Variants in KCNN2 observed in about 807,000 individuals in gnomAD.
KCNN2 encodes the protein small conductance calcium-activated potassium channel protein 2.
KCNN2 carries 24 observed loss-of-function variants against 55.5 expected under a neutral mutation model. The observed-to-expected ratio is 0.43, with a 90% CI of 0.31 to 0.61. The LOEUF (loss-of-function observed/expected upper bound fraction) is 0.61, where lower values mean the gene tolerates loss of function less well. Ranked by LOEUF, KCNN2 falls within the 20% of genes least tolerant of loss-of-function variation. The probability of loss-of-function intolerance (pLI) is 0.08; values close to 1 mark genes in which losing one functional copy is unlikely to be tolerated. For synonymous variants in KCNN2, 431 were observed against 336.1 expected (o/e 1.28, Z -3.09); for missense variants, 754 against 853.6 (o/e 0.88, Z 1.45).
intron 5 of KCNN2, 47 bp from the exon 6 acceptor site, chr5:114,487,003 G>C (rs746390329): frequency 6.8e-6 from 11 of 1,607,766 alleles, no homozygotes; most frequent in Non-Finnish European, 9.4e-6. Flanking sequence ...AGTTACAAAG[G>C]ATTCTGCTCT....
At chr5:114,406,152 C>T (rs967462677) in intron 3 of KCNN2, among the ~76,000 whole-genome samples, 1 of 150,202 alleles carries the variant, frequency 6.7e-6, no homozygotes, top group Admixed American at 6.6e-5. Flanking sequence ...CAGCCCATTC[C>T]AGCTTTCCAG....
At chr5:114,073,998 C>G (rs1230940561) in intron 1 of KCNN2, among the ~76,000 whole-genome samples, 1 of 152,170 alleles carries the variant, frequency 6.6e-6, no homozygotes, top group Non-Finnish European at 1.5e-5. Flanking sequence ...CTTCAAGTTT[C>G]TCAAGATGGA....
Position 114,496,014 on chromosome 5 carries a change from C to G in KCNN2, c.2208C>G (p.Leu736=), listed in dbSNP as rs1748099733. The change falls in exon 8 of 8, where the codon CTC becomes CTG. Residue 736 remains leucine, a synonymous_variant. Coordinates refer to ENST00000673685, the MANE Select transcript of KCNN2 (RefSeq NM_021614.4). ...LETLIGSIHA[L]PGLISQTIRQ... ...CTTTGATTGGTAGCATCCACGCCCT[C>G]CCTGGGCTCATAAGCCAGACCATCA... 6.2e-7 allele frequency: 1 copy of G among 1,614,084 alleles called. No homozygotes were observed. The highest frequency in any genetic ancestry group is 1.3e-5 in the African/African-American group (1 of 75,036).
At chr5:114,155,648 G>T (rs1205510426) in intron 1 of KCNN2, among the ~76,000 whole-genome samples, 1 of 152,088 alleles carries the variant, frequency 6.6e-6, no homozygotes, top group African/African-American at 2.4e-5. Flanking sequence ...CCAATGTTGA[G>T]CTTTTATTAT....
At chr5:114,100,667 C>A (rs1751355814) in intron 1 of KCNN2, among the ~76,000 whole-genome samples, 1 of 152,026 alleles carries the variant, frequency 6.6e-6, no homozygotes, top group South Asian at 2.1e-4. Context: ...ACAAGGAGAT[C>A]CCTGGAGCCC....
At chr5:114,480,949 G>C (rs935371202) in intron 5 of KCNN2, among the ~76,000 whole-genome samples, 11 of 152,144 alleles carry the variant, frequency 7.2e-5, no homozygotes, top group African/African-American at 2.7e-4. Context: ...TTGAAAACCA[G>C]CACAAGATAA....
intron 2 of KCNN2, among the ~76,000 whole-genome samples, chr5:114,289,842 C>T (rs1367620483): frequency 1.3e-5 from 2 of 152,176 alleles, no homozygotes; most frequent in Admixed American, 6.5e-5. Context: ...TTTCCTTCAG[C>T]AATGTCCTAC....
chr5:114,407,474 G>C (rs758353010), intron 3 of KCNN2, among the ~76,000 whole-genome samples: 2 of 151,536 alleles, frequency 1.3e-5, no homozygotes, highest in Non-Finnish European at 2.9e-5. Context: ...CTTTTCTCTG[G>C]AGATGTTAAT....
At chr5:114,333,983 T>C (rs1342632943) in intron 2 of KCNN2, among the ~76,000 whole-genome samples, 1 of 152,210 alleles carries the variant, frequency 6.6e-6, no homozygotes, top group Non-Finnish European at 1.5e-5. Context: ...CTAATTGATA[T>C]CACTCTTCCT....
chr5:114,110,037 C>G (rs1415203220), intron 1 of KCNN2, among the ~76,000 whole-genome samples: 1 of 152,096 alleles, frequency 6.6e-6, no homozygotes, highest in African/African-American at 2.4e-5. Context: ...GCTTTTGTCT[C>G]TTGCCCTTCC....
intron 2 of KCNN2, among the ~76,000 whole-genome samples, chr5:114,252,240 GC>G (rs147501868): frequency 0.086 from 13,122 of 151,876 alleles, 809 homozygotes; most frequent in Non-Finnish European, 0.12. Context: ...ATATCTTTCT[GC>G]CCTATGTACT....
chr5:114,238,078 C>T (rs1177460571), intron 2 of KCNN2, among the ~76,000 whole-genome samples: 1 of 152,194 alleles, frequency 6.6e-6, no homozygotes, highest in Non-Finnish European at 1.5e-5. Flanking sequence ...AATATCTGGA[C>T]TCAGTAAGTC....
intron 1 of KCNN2, among the ~76,000 whole-genome samples, chr5:114,160,114 C>T (rs542040979): frequency 1.3e-5 from 2 of 152,174 alleles, no homozygotes; most frequent in Non-Finnish European, 2.9e-5. Flanking sequence ...AATTTTAGGT[C>T]TTTCCTGCTT....
At chr5:114,123,928 A>G (rs1397303406) in intron 1 of KCNN2, among the ~76,000 whole-genome samples, 1 of 152,178 alleles carries the variant, frequency 6.6e-6, no homozygotes, top group Non-Finnish European at 1.5e-5. Flanking sequence ...TGTCAGTTAC[A>G]CAGCTGCTTT....
intron 2 of KCNN2, among the ~76,000 whole-genome samples, chr5:114,386,039 G>C (rs1035340925): frequency 1.2e-4 from 18 of 151,830 alleles, no homozygotes; most frequent in Non-Finnish European, 4.4e-5. Flanking sequence ...AAAATTAGCC[G>C]GGCATGGTGG....
At position 114,362,550 on chromosome 5, in the gene KCNN2, T is replaced by G; in HGVS notation, c.411T>G (p.Ser137Arg). 2 of 593,756 alleles carry G rather than the reference T, an allele frequency of 3.4e-6. No individual in the cohort carries two copies. The highest frequency in any genetic ancestry group is 5.6e-6 in the Non-Finnish European group (2 of 357,204). 36.8% of individuals were successfully genotyped at this position (593,756 alleles called of 1,614,324 possible). A position where few individuals can be genotyped will look rare whatever the true frequency, so the allele number is the denominator to read the frequency against. ...VSELTPSSHA[S>R]ALRQQYAQQS... is the part of the protein sequence containing the mutation. ...AGCTGACGCCGTCCAGCCATGCCAG[T>G]GCGCTCCGGCAGCAGTACGCGCAGC... is the stretch of plus-strand genomic sequence containing the variant. Residue 137 changes from serine to arginine, a missense_variant, in exon 1 of 8, where the codon AGT becomes AGG. By Grantham distance (110) the Ser-to-Arg change is moderately radical. Around this residue, in one of 4 missense-constraint regions of KCNN2, gnomAD observed 381 missense variants for 259.1 expected, o/e 1.47. Transcript: ENST00000673685.
chr5:114,394,241 G>A (rs557609364), intron 2 of KCNN2, among the ~76,000 whole-genome samples: 1 of 152,212 alleles, frequency 6.6e-6, no homozygotes, highest in Non-Finnish European at 1.5e-5. Flanking sequence ...TTATGATTGA[G>A]GTTGGGCATT....
intron 6 of KCNN2, among the ~76,000 whole-genome samples, chr5:114,488,112 A>G (rs535178816): frequency 6.6e-6 from 1 of 152,320 alleles, no homozygotes; most frequent in East Asian, 1.9e-4. Context: ...ATAGGAAATT[A>G]CTAAGCATTC....
At chr5:114,139,833 C>T (rs568253792) in intron 1 of KCNN2, among the ~76,000 whole-genome samples, 1 of 151,496 alleles carries the variant, frequency 6.6e-6, no homozygotes, top group East Asian at 1.9e-4. Context: ...TGTATAATAT[C>T]CACAATTAAA....
Sources: gnomAD v4.1 joint callset for allele counts (sites outside exome capture counted in the v4.1 genomes callset) on GRCh38, gnomAD v4.1.1 for gene constraint, gnomAD v4.1.1 regional missense constraint, MANE v1.5 for transcripts, NCBI Gene and HGNC (gene_info 2026-07-23, HGNC 2026-07-21) for gene names.